The following STK3 variants were observed in gnomAD, a reference collection of about 807,000 sequenced individuals.
STK3 encodes the protein serine/threonine kinase 3.
Under a neutral mutation model 58.0 loss-of-function variants are expected in STK3, and 41 were observed. The ratio of observed to expected loss-of-function variants is 0.71; its 90% CI spans 0.55 to 0.92. The LOEUF (loss-of-function observed/expected upper bound fraction) is 0.92, where lower values mean the gene tolerates loss of function less well. Among genes scored for constraint, STK3 ranks in the 40% least tolerant of loss-of-function variants. The probability of loss-of-function intolerance (pLI) is 0.00; values close to 1 mark genes in which losing one functional copy is unlikely to be tolerated. For synonymous variants in STK3, 170 were observed against 191.0 expected (o/e 0.89, Z 0.91); for missense variants, 479 against 602.7 (o/e 0.79, Z 2.15).
chr8:98,362,746 C>T, the STK3 span, among the ~76,000 whole-genome samples: 988 of 152,252 alleles, frequency 6.5e-3, 13 homozygotes, highest in Middle Eastern at 0.11. Flanking sequence ...ATGCTTCCAC[C>T]TAAATTCCTA....
chr8:98,864,963 G>T (rs893873890), intron 3 of STK3, among the ~76,000 whole-genome samples: 1 of 152,192 alleles, frequency 6.6e-6, no homozygotes, highest in African/African-American at 2.4e-5. Flanking sequence ...ACATGGGCCA[G>T]AACTTGCACA....
chr8:98,554,566 A>G (rs964202075), intron 8 of STK3, among the ~76,000 whole-genome samples: 1 of 152,170 alleles, frequency 6.6e-6, no homozygotes, highest in Non-Finnish European at 1.5e-5. Context: ...CTTACTGCAT[A>G]TTATTTTTAC....
At chr8:98,667,993 T>A (rs1043977687) in intron 6 of STK3, among the ~76,000 whole-genome samples, 1 of 152,070 alleles carries the variant, frequency 6.6e-6, no homozygotes, top group African/African-American at 2.4e-5. Context: ...TACATTAGAG[T>A]ATTAGACACT....
chr8:98,675,158 G>A (rs1334602295), intron 6 of STK3, among the ~76,000 whole-genome samples: 1 of 152,092 alleles, frequency 6.6e-6, no homozygotes, highest in East Asian at 1.9e-4. Context: ...AAATGAACAA[G>A]GCTTGTGGAA....
intron 4 of STK3, among the ~76,000 whole-genome samples, chr8:98,709,526 C>A (rs1215427103): frequency 2.0e-5 from 3 of 152,142 alleles, no homozygotes; most frequent in Non-Finnish European, 4.4e-5. Flanking sequence ...CCCTTATGAA[C>A]ATTGATACAA....
At chr8:98,786,895 G>T (rs955572954) in intron 1 of STK3, among the ~76,000 whole-genome samples, 1 of 152,140 alleles carries the variant, frequency 6.6e-6, no homozygotes, top group African/African-American at 2.4e-5. Flanking sequence ...GGTCAATGTG[G>T]TGCGGTGGCT....
At chr8:98,610,743 G>A (rs1031406896) in intron 6 of STK3, among the ~76,000 whole-genome samples, 7 of 152,190 alleles carry the variant, frequency 4.6e-5, no homozygotes, top group Admixed American at 2.0e-4. Flanking sequence ...CTAGCACAGA[G>A]ATGTAGCATG....
intron 6 of STK3, among the ~76,000 whole-genome samples, chr8:98,640,533 AT>A (rs1819946356): frequency 1.3e-5 from 2 of 152,302 alleles, no homozygotes; most frequent in South Asian, 2.1e-4. Context: ...TTCTCAATCT[AT>A]TTTATACTAC....
upstream of STK3, among the ~76,000 whole-genome samples, chr8:98,829,696 A>G (rs1835455938): frequency 6.6e-6 from 1 of 152,260 alleles, no homozygotes; most frequent in Admixed American, 6.5e-5. Context: ...GCTGGAACTT[A>G]TTCCACTGTA....
chr8:98,624,487 T>C (rs1308607592), intron 6 of STK3, among the ~76,000 whole-genome samples: 3 of 152,100 alleles, frequency 2.0e-5, no homozygotes, highest in Non-Finnish European at 4.4e-5. Context: ...CTTATTACTA[T>C]GGGATTAGTG....
chr8:98,831,932 C>T (rs1397464224), intron 3 of STK3, among the ~76,000 whole-genome samples: 1 of 152,198 alleles, frequency 6.6e-6, no homozygotes, highest in South Asian at 2.1e-4. Context: ...AGGAGTCTAG[C>T]ATAACTATTA....
At chr8:98,495,157 G>A (rs139543097) in intron 10 of STK3, among the ~76,000 whole-genome samples, 5 of 152,130 alleles carry the variant, frequency 3.3e-5, no homozygotes, top group African/African-American at 1.2e-4. Context: ...TGCATGAAAT[G>A]AAAACAAATG....
chr8:98,535,811 C>T (rs1809710852), intron 9 of STK3, among the ~76,000 whole-genome samples: 1 of 152,004 alleles, frequency 6.6e-6, no homozygotes, highest in South Asian at 2.1e-4. Context: ...TTTTTCACTA[C>T]AAAGAACAGA....
At chr8:98,546,454 G>A (rs1810711386) in intron 9 of STK3, among the ~76,000 whole-genome samples, 2 of 152,068 alleles carry the variant, frequency 1.3e-5, no homozygotes, top group African/African-American at 4.8e-5. Flanking sequence ...TTCATAAGGA[G>A]CTCAGTAACT....
At chr8:98,357,470 G>A in the STK3 span, among the ~76,000 whole-genome samples, 2 of 152,222 alleles carry the variant, frequency 1.3e-5, no homozygotes, top group East Asian at 1.9e-4. Context: ...TCATACCTCA[G>A]TGCATAGCAC....
At chr8:98,384,391 C>G (rs1817768875) in intron 1 of STK3, among the ~76,000 whole-genome samples, 1 of 152,208 alleles carries the variant, frequency 6.6e-6, no homozygotes, top group Admixed American at 6.5e-5. Context: ...TCTTTTGTTG[C>G]TTTGTCTTTC....
intron 6 of STK3, among the ~76,000 whole-genome samples, chr8:98,620,816 T>C (rs1219486687): frequency 1.3e-5 from 2 of 150,192 alleles, no homozygotes; most frequent in African/African-American, 4.9e-5. Context: ...ACAAAAAGAG[T>C]AGTAAAGTTT....
chr8:98,559,161 C>T (rs1309783801), intron 8 of STK3, among the ~76,000 whole-genome samples: 1 of 152,110 alleles, frequency 6.6e-6, no homozygotes, highest in Admixed American at 6.6e-5. Context: ...GATTTTGTGG[C>T]TGGCACTATC....
intron 8 of STK3, among the ~76,000 whole-genome samples, chr8:98,574,407 C>T (rs1813218941): frequency 6.6e-6 from 1 of 152,116 alleles, no homozygotes; most frequent in Non-Finnish European, 1.5e-5. Flanking sequence ...AAATTATGGT[C>T]TAAATATCAA....
Sources: allele counts gnomAD v4.1 joint callset (sites outside exome capture counted in the v4.1 genomes callset), GRCh38; gene constraint gnomAD v4.1.1; transcripts MANE v1.5; gene names NCBI Gene and HGNC (gene_info 2026-07-23, HGNC 2026-07-21).